BLTP3B: variants seen among roughly 807,000 people sequenced by gnomAD.
BLTP3B encodes the protein UHRF1 (ICBP90) binding protein 1-like.
the BLTP3B span, among the ~76,000 whole-genome samples, chr12:100,072,286 C>T: frequency 9.0e-3 from 1,346 of 150,366 alleles, 8 homozygotes; most frequent in Non-Finnish European, 0.014. Flanking sequence ...AAACAAAAAA[C>T]GAAAAAACCT....
chr12:100,062,030 G>A, the BLTP3B span, among the ~76,000 whole-genome samples: 6 of 152,074 alleles, frequency 3.9e-5, no homozygotes, highest in African/African-American at 1.4e-4. Context: ...TATAAGAACC[G>A]AACAGGAGGG....
At chr12:100,122,570 C>G in the BLTP3B span, among the ~76,000 whole-genome samples, 1 of 152,210 alleles carries the variant, frequency 6.6e-6, no homozygotes, top group African/African-American at 2.4e-5. Flanking sequence ...TAAGACTTAG[C>G]ATATATTCCA....
At chr12:100,142,847 C>T in the BLTP3B span, 2 of 609,896 alleles carry the variant, frequency 3.3e-6, no homozygotes, top group Non-Finnish European at 5.4e-6. Context: ...CGGGCGCCAT[C>T]TTGGCTGCAG....
At chr12:100,116,111 G>C in the BLTP3B span, among the ~76,000 whole-genome samples, 1 of 150,844 alleles carries the variant, frequency 6.6e-6, no homozygotes, top group African/African-American at 2.5e-5. Flanking sequence ...GGCAGAGGTT[G>C]CAGTGAGCCG....
the BLTP3B span, chr12:100,128,651 A>C: frequency 7.8e-7 from 1 of 1,287,778 alleles, no homozygotes; most frequent in Non-Finnish European, 1.0e-6. Context: ...AGGGTTTCTT[A>C]GACTCCTCTG....
At chr12:100,082,672 G>A in the BLTP3B span, among the ~76,000 whole-genome samples, 1 of 152,164 alleles carries the variant, frequency 6.6e-6, no homozygotes, top group African/African-American at 2.4e-5. Context: ...GCTTGTTATT[G>A]TCGACTTTGT....
At chr12:100,116,328 C>A in the BLTP3B span, among the ~76,000 whole-genome samples, 10 of 151,184 alleles carry the variant, frequency 6.6e-5, no homozygotes, top group East Asian at 7.7e-4. Flanking sequence ...GTGGCAGGGG[C>A]CCGTAGTCCA....
the BLTP3B span, among the ~76,000 whole-genome samples, chr12:100,114,853 A>G: frequency 6.6e-6 from 1 of 152,122 alleles, no homozygotes; most frequent in East Asian, 1.9e-4. Context: ...AGAAACTCCT[A>G]TTTCCTCATT....
chr12:100,059,849 C>T, the BLTP3B span: 1 of 1,605,644 alleles, frequency 6.2e-7, no homozygotes, highest in South Asian at 1.1e-5. Context: ...TTGTATGATA[C>T]CTTTAGCATT....
chr12:100,139,782 T>A, the BLTP3B span, among the ~76,000 whole-genome samples: 110 of 152,354 alleles, frequency 7.2e-4, 1 homozygote, highest in African/African-American at 2.5e-3. Context: ...TCATAGAGTC[T>A]ACATTTAAGT....
At chr12:100,060,112 A>T in the BLTP3B span, 2 of 1,213,172 alleles carry the variant, frequency 1.6e-6, no homozygotes, top group East Asian at 5.5e-5. Context: ...AGAACAAAAA[A>T]TACATGTTTA....
the BLTP3B span, among the ~76,000 whole-genome samples, chr12:100,096,600 C>G: frequency 6.6e-6 from 1 of 151,944 alleles, no homozygotes. Context: ...AGAAGGACTG[C>G]TTGAAGCCAG....
At chr12:100,050,732 A>G in the BLTP3B span, among the ~76,000 whole-genome samples, 1 of 152,246 alleles carries the variant, frequency 6.6e-6, no homozygotes, top group Admixed American at 6.5e-5. Flanking sequence ...AGATCACTTA[A>G]GCCCAGGAGT....
the BLTP3B span, among the ~76,000 whole-genome samples, chr12:100,106,543 T>C: frequency 6.6e-6 from 1 of 152,038 alleles, no homozygotes; most frequent in Non-Finnish European, 1.5e-5. Context: ...AAGTGTGAGG[T>C]GAACTATGGG....
At chr12:100,105,935 CCAA>C in the BLTP3B span, among the ~76,000 whole-genome samples, 3 of 151,962 alleles carry the variant, frequency 2.0e-5, no homozygotes, top group South Asian at 4.1e-4. Flanking sequence ...ATACAAATGG[CCAA>C]CAACCACATG....
At chr12:100,062,278 G>A in the BLTP3B span, among the ~76,000 whole-genome samples, 10 of 152,180 alleles carry the variant, frequency 6.6e-5, no homozygotes, top group South Asian at 2.1e-4. Flanking sequence ...AACTGCAAGC[G>A]TACAAGCATT....
At chr12:100,069,275 T>A in the BLTP3B span, among the ~76,000 whole-genome samples, 1 of 152,028 alleles carries the variant, frequency 6.6e-6, no homozygotes, top group Admixed American at 6.6e-5. Context: ...CTACTTGGTA[T>A]CCACCCAGAG....
chr12:100,114,746 T>A, the BLTP3B span, among the ~76,000 whole-genome samples: 1 of 152,202 alleles, frequency 6.6e-6, no homozygotes. Flanking sequence ...AGTTATTATC[T>A]GTAACTAATT....
the BLTP3B span, among the ~76,000 whole-genome samples, chr12:100,082,185 C>T: frequency 6.6e-6 from 1 of 152,294 alleles, no homozygotes; most frequent in Non-Finnish European, 1.5e-5. Context: ...GTTTCATATG[C>T]TTGTTGGCTG....
Sources: allele counts gnomAD v4.1 joint callset (sites outside exome capture counted in the v4.1 genomes callset), GRCh38; gene constraint gnomAD v4.1.1; transcripts MANE v1.5; gene names NCBI Gene and HGNC (gene_info 2026-07-23, HGNC 2026-07-21).